Variants in PCSK7 observed in about 807,000 individuals in gnomAD.
PCSK7 encodes lymphoma proprotein convertase.
Under a neutral mutation model 73.3 loss-of-function variants are expected in PCSK7, and 38 were observed. The ratio of observed to expected loss-of-function variants is 0.52; its 90% CI spans 0.40 to 0.68. PCSK7 has a LOEUF of 0.68. Among genes scored for constraint, PCSK7 ranks in the 30% least tolerant of loss-of-function variants. PCSK7 has a pLI of 0.00. For missense variants in PCSK7, 692 were observed against 991.5 expected (o/e 0.70, Z 4.06); for synonymous variants, 296 against 383.8 (o/e 0.77, Z 2.68).
At chr11:117,228,417 C>G in intron 3 of PCSK7, 67 bp from the exon 4 acceptor site, 1 of 1,451,812 alleles carries the variant, frequency 6.9e-7, no homozygotes. Context: ...GAAGTTATAG[C>G]TAGCAGCCCC....
intron 14 of PCSK7, 109 bp downstream of exon 14, chr11:117,207,861 G>C (rs1412816121): frequency 1.6e-6 from 1 of 608,330 alleles, no homozygotes; most frequent in African/African-American, 1.9e-5. Context: ...TGGTCCAATG[G>C]CAACCCTATA....
Position 117,227,198 on chromosome 11 carries a change from CTGT to C in PCSK7, c.725_727del (p.Asn242del), listed in dbSNP as rs1320167445. 1.4e-5 allele frequency: 23 copies of C among 1,611,166 alleles called. No individual in the cohort carries two copies. The highest frequency in any genetic ancestry group is 1.9e-5 in the Non-Finnish European group (22 of 1,178,822). Reference sequence around the variant, plus strand: ...GTAGGCCACGCCCACGGCACAGAAGCTGTTGTTGGGCACAGCCGCGATCTCTCC... The same window carrying C: ...GTAGGCCACGCCCACGGCACAGAAGCTGTTGGGCACAGCCGCGATCTCTCC... On this transcript the variant is annotated inframe_deletion, in exon 5 of 17. Coordinates refer to ENST00000320934, the MANE Select transcript of PCSK7 (RefSeq NM_004716.4).
In PCSK7 at chr11:117,225,074, T is replaced by C. The variant is rs1355770604; in HGVS notation, c.861-319A>G. 8.0e-4 allele frequency: 182 copies of C among 227,304 alleles called. 1 individual carries two copies. The highest frequency in any genetic ancestry group is 4.5e-3 in the South Asian group (35 of 7,844). The allele number at this position is 227,304 out of a possible 1,614,324, so 14.1% of individuals were successfully genotyped here. On this transcript the variant is annotated intron_variant, in intron 6 of 16. Transcript: ENST00000320934. ...GTAGACCTTTTTTTTTTTTTTTTTT[T>C]CTCCTGAAACGGCGTCTTCCTCTGT...
chr11:117,222,494 T>G (rs1056825790), intron 9 of PCSK7: 2 of 152,146 alleles, frequency 1.3e-5, no homozygotes, highest in African/African-American at 2.4e-5. Context: ...CTCACAGTAT[T>G]TACCTAAGAG....
chr11:117,229,860 C>A lies in PCSK7; in HGVS notation c.-12-4G>T. On this transcript the variant is annotated splice_polypyrimidine_tract_variant and splice_region_variant and intron_variant, in intron 2 of 16. Coordinates refer to ENST00000320934, the MANE Select transcript of PCSK7 (RefSeq NM_004716.4). Reference sequence around the variant, plus strand: ...CCTTCGGCATCAGAGCAGTGGACTGCAGACAAAGAAAAAGGATATGGAAGA... The same window carrying A: ...CCTTCGGCATCAGAGCAGTGGACTGAAGACAAAGAAAAAGGATATGGAAGA... 1 of 1,473,152 alleles carries A rather than the reference C, an allele frequency of 6.8e-7. No individual in the cohort carries two copies. The highest frequency in any genetic ancestry group is 1.4e-5 in the African/African-American group (1 of 71,348). 91.3% of individuals were successfully genotyped at this position (1,473,152 alleles called of 1,614,324 possible). A position where few individuals can be genotyped will look rare whatever the true frequency, so the allele number is the denominator to read the frequency against.
intron 2 of PCSK7, 68 bp downstream of exon 2, chr11:117,230,281 T>G: frequency 2.5e-5 from 4 of 159,670 alleles, no homozygotes; most frequent in Non-Finnish European, 4.1e-5. Flanking sequence ...ACATAAATCT[T>G]TCCCTAGCTG....
At position 117,219,092 on chromosome 11, in the gene PCSK7, G is replaced by A; in HGVS notation, c.1396C>T (p.Leu466Phe). The change falls in exon 11 of 17, where the codon CTC (leucine) becomes TTC (phenylalanine). Residue 466 changes from leucine (L) to phenylalanine (F), a missense_variant. Leu to Phe is a conservative substitution (Grantham distance 22). This residue lies in a region of PCSK7 where 574 missense variants were observed against 689.8 expected (regional missense o/e 0.83). Transcript: ENST00000320934. ...FSHSHQHGFG[L>F]LNAWRLVNAA... ...TTCACGAGCCTCCAGGCGTTGAGGA[G>A]GCCGAAACCGTGCTGGTGGCTATGG... is the stretch of plus-strand genomic sequence containing the variant. 1 of 1,610,666 alleles carries A rather than the reference G, an allele frequency of 6.2e-7. No individual in the cohort carries two copies. Among genetic ancestry groups the A allele is most frequent in the Non-Finnish European group, 8.5e-7 (1 of 1,179,888 alleles).
chr11:117,218,690 T>G lies in PCSK7; in HGVS notation c.1432-122A>C, dbSNP rs1278254788. 3.3e-6 allele frequency: 2 copies of G among 605,224 alleles called. No homozygotes were observed. Among genetic ancestry groups the G allele is most frequent in the Non-Finnish European group, 5.8e-6 (2 of 344,294 alleles). 37.5% of individuals were successfully genotyped at this position (605,224 alleles called of 1,614,324 possible). On this transcript the variant is annotated intron_variant, in intron 11 of 16. Transcript: ENST00000320934. The surrounding 1 kb of genome is among the most constrained non-coding windows in gnomAD (Gnocchi z 4.0). ...GGTTTAGCTGTCTTTATTTTTCCAC[T>G]CCTCATCATCTTCCTTCAGCCCTCA...
intron 2 of PCSK7, 58 bp from the exon 3 acceptor site, chr11:117,229,914 T>G: frequency 9.6e-7 from 1 of 1,045,280 alleles, no homozygotes; most frequent in South Asian, 1.7e-5. Context: ...TGCAGGAATC[T>G]GAGAGGGAGA....
At chr11:117,225,592 C>T in intron 6 of PCSK7, 2 of 331,884 alleles carry the variant, frequency 6.0e-6, no homozygotes, top group South Asian at 8.9e-5. Flanking sequence ...AGGTGCAGTG[C>T]ATTGGCGTGG....
chr11:117,217,501 T>C (rs1262280824), intron 12 of PCSK7: 4 of 152,170 alleles, frequency 2.6e-5, no homozygotes, highest in African/African-American at 7.2e-5. Flanking sequence ...TCATTCCACA[T>C]TGAGGGAAAT....
intron 2 of PCSK7, 91 bp from the exon 3 acceptor site, chr11:117,229,947 C>A: frequency 1.4e-6 from 1 of 696,522 alleles, no homozygotes; most frequent in Non-Finnish European, 2.4e-6. Flanking sequence ...CATGTGTTCC[C>A]CCTGGAAGTC....
chr11:117,212,338 A>C (rs2031763806), intron 12 of PCSK7: 1 of 151,446 alleles, frequency 6.6e-6, no homozygotes, highest in Non-Finnish European at 1.5e-5. Flanking sequence ...TCATGCCCAC[A>C]CCTTTTCCCC....
chr11:117,228,795 T>C (rs909823070), intron 3 of PCSK7, among the ~76,000 whole-genome samples: 4 of 152,144 alleles, frequency 2.6e-5, no homozygotes, highest in African/African-American at 9.6e-5. Flanking sequence ...TAATTTTTTG[T>C]ATTTTTAGTA....
At chr11:117,224,580 C>T in intron 7 of PCSK7, 121 bp downstream of exon 7, 1 of 856,964 alleles carries the variant, frequency 1.2e-6, no homozygotes, top group South Asian at 1.4e-5. Context: ...TAGGTGTTCT[C>T]TTCCTGAAAG....
Position 117,224,044 on chromosome 11 carries a change from C to T in PCSK7, c.1054+34G>A, listed in dbSNP as rs755108938. On this transcript the variant is annotated intron_variant, in intron 8 of 16. Transcript: ENST00000320934. ...GTGATGCCCTAACCCTTCGGTGACA[C>T]ACACACAGGAGCACAGAAACATTGG... is the stretch of plus-strand genomic sequence containing the variant. The T allele has an allele frequency of 3.1e-6, 5 of 1,610,414 alleles. No individual in the cohort carries two copies. The South Asian group carries it at 4.4e-5, about 14-fold the overall frequency.
At chr11:117,223,730 C>G in intron 8 of PCSK7, 1 of 360,556 alleles carries the variant, frequency 2.8e-6, no homozygotes, top group East Asian at 5.2e-5. Context: ...CACATGCTAA[C>G]TGGGAGCACA....
intron 6 of PCSK7, chr11:117,225,657 G>A (rs1012656255): frequency 1.1e-5 from 5 of 455,314 alleles, no homozygotes; most frequent in African/African-American, 5.8e-5. Context: ...AAGAAAGCCC[G>A]CTTTCTTGCA....
chr11:117,218,442 A>G lies in PCSK7; in HGVS notation c.1534+24T>C. The stretch of plus-strand genomic sequence containing the variant: ...GCCCCAAACCTCAGGCCTAAGATTA[A>G]CCCCCTTTGTGCTGATTACTTACCA... On this transcript the variant is annotated intron_variant, in intron 12 of 16. Transcript: ENST00000320934. This position sits in a 1 kb window ranked among gnomAD's most constrained non-coding sequence, Gnocchi z 4.0. The G allele has an allele frequency of 7.5e-7, 1 of 1,341,832 alleles. No homozygotes were observed. The highest frequency in any genetic ancestry group is 1.3e-5 in the South Asian group (1 of 74,606). The allele number at this position is 1,341,832 out of a possible 1,614,324, so 83.1% of individuals were successfully genotyped here. A position where few individuals can be genotyped will look rare whatever the true frequency, so the allele number is the denominator to read the frequency against.
Sources: allele counts gnomAD v4.1 joint callset (sites outside exome capture counted in the v4.1 genomes callset), GRCh38; gene constraint gnomAD v4.1.1; regional missense constraint gnomAD v4.1.1; non-coding constraint Gnocchi (gnomAD v3.1); transcripts MANE v1.5; gene names NCBI Gene and HGNC (gene_info 2026-07-23, HGNC 2026-07-21).